Variants in DISC1 observed in about 807,000 individuals in gnomAD.
DISC1 encodes disrupted in schizophrenia 1 protein.
In DISC1, 57 loss-of-function variants were observed where a neutral mutation model predicts 84.5. That is an observed-to-expected ratio of 0.67 (90% CI 0.55 to 0.84). The LOEUF is 0.84. DISC1 is among the 40% of genes least tolerant of loss of function. DISC1 has a pLI of 0.00. For missense variants in DISC1, 1,000 were observed against 1,057.8 expected (o/e 0.95, Z 0.76); for synonymous variants, 411 against 415.2 (o/e 0.99, Z 0.12).
intron 1 of DISC1, among the ~76,000 whole-genome samples, chr1:231,689,201 C>T (rs988523422): frequency 7.9e-5 from 12 of 152,078 alleles, no homozygotes; most frequent in African/African-American, 2.7e-4. Context: ...TTTGTAAAGT[C>T]GTGTTCTTCT....
chr1:231,660,469 A>T (rs948049989), intron 1 of DISC1, among the ~76,000 whole-genome samples: 1 of 151,726 alleles, frequency 6.6e-6, no homozygotes, highest in Non-Finnish European at 1.5e-5. Flanking sequence ...CCCAAAAAAA[A>T]AATATATATA....
intron 11 of DISC1, among the ~76,000 whole-genome samples, chr1:232,016,395 C>G (rs1306398476): frequency 6.6e-6 from 1 of 152,304 alleles, no homozygotes; most frequent in Admixed American, 6.5e-5. Flanking sequence ...TCCCTATCCC[C>G]AGAATCTGAA....
intron 9 of DISC1, among the ~76,000 whole-genome samples, chr1:231,882,896 A>T (rs1414337710): frequency 6.6e-6 from 1 of 152,000 alleles, no homozygotes; most frequent in African/African-American, 2.4e-5. Context: ...GACACGCAGG[A>T]TACAGGGCTG....
intron 9 of DISC1, among the ~76,000 whole-genome samples, chr1:231,820,600 C>G (rs1166908441): frequency 6.6e-6 from 1 of 152,162 alleles, no homozygotes; most frequent in East Asian, 1.9e-4. Flanking sequence ...GTCAGGAACC[C>G]AGACTCTTCT....
At chr1:231,642,973 C>T (rs2125204451) in intron 1 of DISC1, among the ~76,000 whole-genome samples, 1 of 152,356 alleles carries the variant, frequency 6.6e-6, no homozygotes, top group Middle Eastern at 3.4e-3. Context: ...TGCACTGGAA[C>T]AGCAGAAGAT....
chr1:231,719,553 C>G (rs1003022001), intron 3 of DISC1, among the ~76,000 whole-genome samples: 1 of 152,090 alleles, frequency 6.6e-6, no homozygotes, highest in African/African-American at 2.4e-5. Flanking sequence ...TTTATTTTTT[C>G]TATCTATAAA....
At chr1:231,991,544 C>T (rs556405684) in intron 10 of DISC1, among the ~76,000 whole-genome samples, 5 of 152,172 alleles carry the variant, frequency 3.3e-5, no homozygotes, top group South Asian at 4.1e-4. Flanking sequence ...TTCTCCCTGA[C>T]GTTGAGCTTG....
intron 1 of DISC1, among the ~76,000 whole-genome samples, chr1:231,636,624 A>G (rs930399181): frequency 2.0e-5 from 3 of 152,172 alleles, no homozygotes; most frequent in African/African-American, 4.8e-5. Flanking sequence ...TTTGAAAAGC[A>G]TAAGGTAATA....
At chr1:231,972,738 T>C (rs964845518) in intron 10 of DISC1, among the ~76,000 whole-genome samples, 1 of 152,184 alleles carries the variant, frequency 6.6e-6, no homozygotes, top group Non-Finnish European at 1.5e-5. Flanking sequence ...TAGAGGCAGA[T>C]AAAGAAAATG....
At position 231,678,657 on chromosome 1, in the gene DISC1, A is replaced by C. The variant is rs186415223; in HGVS notation, c.68-15169A>C. 2.2e-3 allele frequency among the ~76,000 whole-genome samples: 331 copies of C among 151,240 alleles called. 2 individuals are homozygous for C. Among genetic ancestry groups the C allele is most frequent in the Admixed American group, 4.7e-3 (72 of 15,196 alleles). ...AGAACTCTCTTGACTACGTTGCTCT[A>C]TCTCTCTCTCTCTCTCTTTTTTTTC... On this transcript the variant is annotated intron_variant, in intron 1 of 12. Transcript: ENST00000439617.
chr1:231,762,504 G>C (rs1029487990), intron 4 of DISC1, among the ~76,000 whole-genome samples: 4 of 78,812 alleles, frequency 5.1e-5, no homozygotes, highest in Non-Finnish European at 9.9e-5. Context: ...CTAATTTTTA[G>C]TTTTGTTTTG....
At chr1:231,990,255 C>T (rs1665023798) in intron 10 of DISC1, among the ~76,000 whole-genome samples, 1 of 151,954 alleles carries the variant, frequency 6.6e-6, no homozygotes, top group Non-Finnish European at 1.5e-5. Context: ...TCAGAGAAGG[C>T]CTGACACCCT....
At chr1:231,673,954 A>G (rs1205896437) in intron 1 of DISC1, among the ~76,000 whole-genome samples, 1 of 152,246 alleles carries the variant, frequency 6.6e-6, no homozygotes, top group Non-Finnish European at 1.5e-5. Context: ...AGACTCTCGT[A>G]TAAAAAGCCA....
chr1:231,716,277 A>G (rs2068699992), intron 3 of DISC1, among the ~76,000 whole-genome samples: 1 of 150,968 alleles, frequency 6.6e-6, no homozygotes, highest in Admixed American at 6.6e-5. Context: ...TTTGGCAATA[A>G]GAAGCTTATT....
chr1:231,955,367 C>T (rs114134555), intron 9 of DISC1, among the ~76,000 whole-genome samples: 123 of 152,294 alleles, frequency 8.1e-4, no homozygotes, highest in African/African-American at 2.8e-3. Context: ...TTTAACAAAT[C>T]CAAAGCCAAA....
chr1:231,870,249 G>C (rs1419827536), intron 9 of DISC1, among the ~76,000 whole-genome samples: 3 of 152,228 alleles, frequency 2.0e-5, no homozygotes, highest in Non-Finnish European at 2.9e-5. Context: ...TATTTAGTAA[G>C]AAGGTAAGAT....
At position 231,721,025 on chromosome 1, in the gene DISC1, A is replaced by G. The variant is rs1000637951; in HGVS notation, c.1117+19001A>G. ...CGGATCATGAAAATTGACAATGGAA[A>G]ATGGGCATGCCATTCTGGAACTTTT... On this transcript the variant is annotated intron_variant, in intron 3 of 12. Transcript: ENST00000439617. 17 of 1,290,866 alleles carry G rather than the reference A, an allele frequency of 1.3e-5. No individual in the cohort carries two copies. The Admixed American group carries it at 3.7e-4, about 28-fold the overall frequency. 80.0% of individuals were successfully genotyped at this position (1,290,866 alleles called of 1,614,324 possible). A position where few individuals can be genotyped will look rare whatever the true frequency, so the allele number is the denominator to read the frequency against.
rs191170412 is a variant in DISC1, at chr1:231,897,610, G to T, written c.1982-61218G>T. On this transcript the variant is annotated intron_variant, in intron 9 of 12. Transcript: ENST00000439617. This position sits in a 1 kb window ranked among gnomAD's most constrained non-coding sequence, Gnocchi z 4.5. The stretch of plus-strand genomic sequence containing the variant: ...TTTACAGCCATTTATTGTAGAGTCT[G>T]TTGCTTTGGGCTGCTGTCAGTGCTC... Among the ~76,000 whole-genome samples the T allele has an allele frequency of 4.9e-3, 739 of 152,018 alleles. 7 individuals are homozygous for T. Among genetic ancestry groups the T allele is most frequent in the African/African-American group, 0.017 (704 of 41,426 alleles).
chr1:232,023,451 C>A (rs1669150688), intron 11 of DISC1, among the ~76,000 whole-genome samples: 1 of 152,078 alleles, frequency 6.6e-6, no homozygotes, highest in Admixed American at 6.5e-5. Flanking sequence ...AAAGTTATTT[C>A]AATTTAAATG....
Sources: allele counts gnomAD v4.1 joint callset (sites outside exome capture counted in the v4.1 genomes callset), GRCh38; gene constraint gnomAD v4.1.1; non-coding constraint Gnocchi (gnomAD v3.1); transcripts MANE v1.5; gene names NCBI Gene and HGNC (gene_info 2026-07-23, HGNC 2026-07-21).